The following SLC4A3 variants were observed in gnomAD, a reference collection of about 807,000 sequenced individuals.
SLC4A3 encodes solute carrier family 4 member 3, also known as anion exchange protein 3.
In SLC4A3, 47 loss-of-function variants were observed where a neutral mutation model predicts 114.2. The observed-to-expected ratio is 0.41, with a 90% confidence interval of 0.33 to 0.52. The LOEUF (loss-of-function observed/expected upper bound fraction) is 0.52. SLC4A3 is among the 20% of genes least tolerant of loss of function. The probability of loss-of-function intolerance (pLI) is 0.21; values close to 1 mark genes in which losing one functional copy is unlikely to be tolerated. For synonymous variants in SLC4A3, 693 were observed against 710.3 expected (o/e 0.98, Z 0.39); for missense variants, 1,312 against 1,668.3 (o/e 0.79, Z 3.72).
chr2:219,636,256 A>G lies in SLC4A3; in HGVS notation c.2192-46A>G. Reference sequence around the variant, plus strand: ...GGACAAGCTAGATGAAGAAGGGGGCAGATAGACAGAGCCAGGCTAGGGCCA... The same window carrying G: ...GGACAAGCTAGATGAAGAAGGGGGCGGATAGACAGAGCCAGGCTAGGGCCA... On this transcript the variant is annotated intron_variant, in intron 14 of 22. Coordinates refer to ENST00000358055, the MANE Select transcript of SLC4A3 (RefSeq NM_005070.4). The surrounding 1 kb of genome is among the most constrained non-coding windows in gnomAD (Gnocchi z 5.5). 1 of 1,608,342 alleles carries G rather than the reference A, an allele frequency of 6.2e-7. No individual in the cohort carries two copies. The highest frequency in any genetic ancestry group is 8.5e-7 in the Non-Finnish European group (1 of 1,178,498).
rs775681842 is a variant in SLC4A3, at chr2:219,638,835, C to T, written c.2989C>T (p.Leu997Phe). 1.9e-6 allele frequency: 3 copies of T among 1,613,946 alleles called. No homozygotes were observed. Among genetic ancestry groups the T allele is most frequent in the South Asian group, 1.1e-5 (1 of 91,084 alleles). ...AGCCGCTGTTCCCGCCCTCCTCGTC[C>T]TCATCCTGATCTTCATGGAGACACA... Reference protein sequence around the residue: ...VAAAVPALLVLILIFMETQIT... With the variant: ...VAAAVPALLVFILIFMETQIT... The change falls in exon 19 of 23, where the codon CTC becomes TTC. Residue 997 changes from leucine (L) to phenylalanine (F), a missense_variant. Physicochemically the swap from Leu to Phe is conservative, Grantham distance 22. This residue lies in a region of SLC4A3 where 301 missense variants were observed against 460.7 expected (regional missense o/e 0.65). Coordinates refer to ENST00000358055, the MANE Select transcript of SLC4A3 (RefSeq NM_005070.4). This position sits in a 1 kb window ranked among gnomAD's most constrained non-coding sequence, Gnocchi z 7.5.
At chr2:219,633,488 G>A (rs767255092) in intron 10 of SLC4A3, 31 bp downstream of exon 10, 4 of 1,486,934 alleles carry the variant, frequency 2.7e-6, no homozygotes, top group Admixed American at 4.9e-5. Flanking sequence ...TTGGGCCAGG[G>A]GACTGAGAGG....
At chr2:219,629,758 G>T in intron 5 of SLC4A3, 63 bp downstream of exon 5, 2 of 1,145,186 alleles carry the variant, frequency 1.7e-6, no homozygotes, top group African/African-American at 1.5e-5. Flanking sequence ...AGAGCTCCTG[G>T]CAGTCACCTC....
At position 219,638,206 on chromosome 2, in the gene SLC4A3, C is replaced by T. The variant is rs747437196; in HGVS notation, c.2809C>T (p.Leu937=). The T allele has an allele frequency of 4.3e-6, 7 of 1,612,844 alleles. No homozygotes were observed. The African/African-American group carries it at 5.3e-5, about 12-fold the overall frequency. The change falls in exon 18 of 23, where the codon CTG becomes TTG. Residue 937 remains leucine, a synonymous_variant. Transcript: ENST00000358055. This position sits in a 1 kb window ranked among gnomAD's most constrained non-coding sequence, Gnocchi z 7.5. ...GGACTTTGGCATCCCCATCTCCATC[C>T]TGGTGATGGTCCTGGTGGATTACTC... ...IGDFGIPISI[L]VMVLVDYSIT...
intron 11 of SLC4A3, 26 bp from the exon 12 acceptor site, chr2:219,634,392 AGC>A: frequency 6.2e-7 from 1 of 1,610,874 alleles, no homozygotes; most frequent in Non-Finnish European, 8.5e-7. Flanking sequence ...CTCTTTGCCC[AGC>A]GCCCTGTGCT....
At chr2:219,633,607 G>A in intron 10 of SLC4A3, 150 bp downstream of exon 10, 1 of 818,672 alleles carries the variant, frequency 1.2e-6, no homozygotes, top group Non-Finnish European at 1.8e-6. Context: ...CCCGCATGAG[G>A]GGTCCCTGCC....
At position 219,635,856 on chromosome 2, in the gene SLC4A3, C is replaced by T. The variant is rs1699100829; in HGVS notation, c.2156C>T (p.Ala719Val). 1 of 1,553,498 alleles carries T rather than the reference C, an allele frequency of 6.4e-7. No homozygotes were observed. The change falls in exon 14 of 23, where the codon GCC (alanine) becomes GTC (valine). Residue 719 changes from alanine (A) to valine (V), a missense_variant. This residue lies in a region of SLC4A3 where 771 missense variants were observed against 977.7 expected (regional missense o/e 0.79). Coordinates refer to ENST00000358055, the MANE Select transcript of SLC4A3 (RefSeq NM_005070.4). ...VAAVLFIYFA[A>V]LSPAITFGGL... ...GCTGTGCTCTTCATCTACTTCGCAG[C>T]CCTCAGCCCTGCCATCACCTTCGGG... is the stretch of plus-strand genomic sequence containing the variant.
At position 219,635,890 on chromosome 2, in the gene SLC4A3, G is replaced by C. The variant is rs747433617; in HGVS notation, c.2190G>C (p.Leu730=). 6.6e-7 allele frequency: 1 copy of C among 1,507,724 alleles called. No homozygotes were observed. The highest frequency in any genetic ancestry group is 2.3e-5 in the East Asian group (1 of 43,414). 93.4% of individuals were successfully genotyped at this position (1,507,724 alleles called of 1,614,324 possible). Residue 730 remains leucine, a splice_region_variant and synonymous_variant, in exon 14 of 23, where the codon CTG becomes CTC. Coordinates refer to ENST00000358055, the MANE Select transcript of SLC4A3 (RefSeq NM_005070.4). ...CTGCCATCACCTTCGGGGGGCTGCT[G>C]GGTAAGGGACTGGGGCTTGGGGAGT... ...LSPAITFGGL[L]GEKTEGLMGV...
At chr2:219,632,705 C>T (rs1444743622) in intron 8 of SLC4A3, among the ~76,000 whole-genome samples, 169 bp from the exon 9 acceptor site, 1 of 152,224 alleles carries the variant, frequency 6.6e-6, no homozygotes, top group Non-Finnish European at 1.5e-5. Flanking sequence ...ATTTTCACGG[C>T]CCCTCTCTGA....
In SLC4A3 at chr2:219,636,722, TG is replaced by T; in HGVS notation, c.2386del (p.Val796LeufsTer111). 6.2e-7 allele frequency: 1 copy of T among 1,614,028 alleles called. No homozygotes were observed. The highest frequency in any genetic ancestry group is 8.5e-7 in the Non-Finnish European group (1 of 1,179,962). Reference protein sequence around the residue: ...QDLEYLTGRVWVGLWLVVFVL... With the variant: ...QDLEYLTGRVXVGLWLVVFVL... ...CCTGGAGTACCTCACTGGCCGGGTG[TG>T]GGTTGGTCTCTGGCTGGTGGTCTTC... On this transcript the variant is annotated frameshift_variant, in exon 16 of 23. Coordinates refer to ENST00000358055, the MANE Select transcript of SLC4A3 (RefSeq NM_005070.4). LOFTEE classifies it high-confidence loss of function. This position sits in a 1 kb window ranked among gnomAD's most constrained non-coding sequence, Gnocchi z 5.5.
chr2:219,628,409 G>T lies in SLC4A3; in HGVS notation c.56G>T (p.Arg19Leu). The T allele has an allele frequency of 6.2e-7, 1 of 1,610,280 alleles. No individual in the cohort carries two copies. Among genetic ancestry groups the T allele is most frequent in the Non-Finnish European group, 8.5e-7 (1 of 1,178,706 alleles). Residue 19 changes from arginine to leucine, a missense_variant, in exon 3 of 23, where the codon CGG (arginine) becomes CTG (leucine). Physicochemically the swap from Arg to Leu is moderately radical, Grantham distance 102 (BLOSUM62 -2). Transcript: ENST00000358055. This position sits in a 1 kb window ranked among gnomAD's most constrained non-coding sequence, Gnocchi z 4.8. ...AGAGGCCGTCTGGGCCTGCAGGTCC[G>T]GGTGCCCTTGGAGGAGCCCCCTCTA... is the stretch of plus-strand genomic sequence containing the variant. ...PGGASPLPQVRVPLEEPPLSP... is the reference protein window; with the variant it reads ...PGGASPLPQVLVPLEEPPLSP...
rs1161736647 is a variant in SLC4A3 at position 219,629,689 on chromosome 2, C to T, written c.605C>T (p.Ser202Phe). The T allele has an allele frequency of 1.2e-6, 2 of 1,607,838 alleles. No homozygotes were observed. Among genetic ancestry groups the T allele is most frequent in the East Asian group, 2.2e-5 (1 of 44,828 alleles). The change falls in exon 5 of 23, where the codon TCC becomes TTC. Residue 202 changes from serine (S) to phenylalanine (F), a missense_variant. Physicochemically the swap from Ser to Phe is radical, Grantham distance 155 (BLOSUM62 -2). Transcript: ENST00000358055. ...CACACTGACAAGAGCCCCCAGCACTCCAGCAGGTACTGGCTGCAGCCTCTA... is the reference window on the plus strand; with the variant it reads ...CACACTGACAAGAGCCCCCAGCACTTCAGCAGGTACTGGCTGCAGCCTCTA... Reference protein sequence around the residue: ...GPHTDKSPQHSSSSPSPRARA... With the variant: ...GPHTDKSPQHFSSSPSPRARA...
At position 219,628,544 on chromosome 2, in the gene SLC4A3, G is replaced by A. The variant is rs1460553454; in HGVS notation, c.191G>A (p.Arg64His). 1.2e-6 allele frequency: 2 copies of A among 1,613,300 alleles called. No homozygotes were observed. Among genetic ancestry groups the A allele is most frequent in the East Asian group, 2.2e-5 (1 of 44,858 alleles). ...PPAWDPEKPS[R>H]SYSERDFEFH... is the part of the protein sequence containing the mutation. The stretch of plus-strand genomic sequence containing the variant: ...GCCTGGGACCCCGAGAAGCCCAGCC[G>A]CAGCTACAGCGAGCGGGACTTTGAG... The change falls in exon 3 of 23, where the codon CGC becomes CAC. Residue 64 changes from arginine (R) to histidine (H), a missense_variant. Physicochemically the swap from Arg to His is conservative, Grantham distance 29. Transcript: ENST00000358055. The surrounding 1 kb of genome is among the most constrained non-coding windows in gnomAD (Gnocchi z 4.8).
In SLC4A3 at chr2:219,639,850, T is replaced by C. The variant is rs1559206550; in HGVS notation, c.3277+115T>C. ...AATGTGCTGTGTGTTGCCCTCAATC[T>C]GACCCCCAAACCTGCTTCCCAGCAC... is the stretch of plus-strand genomic sequence containing the variant. On this transcript the variant is annotated intron_variant, in intron 20 of 22. Transcript: ENST00000358055. This position sits in a 1 kb window ranked among gnomAD's most constrained non-coding sequence, Gnocchi z 5.9. 4 of 1,386,902 alleles carry C rather than the reference T, an allele frequency of 2.9e-6. No homozygotes were observed. In the Admixed American group the frequency reaches 5.9e-5, roughly 20 times the overall value. 85.9% of individuals were successfully genotyped at this position (1,386,902 alleles called of 1,614,324 possible). A position where few individuals can be genotyped will look rare whatever the true frequency, so the allele number is the denominator to read the frequency against.
At chr2:219,634,736 G>A (rs2106193264) in intron 12 of SLC4A3, 132 bp downstream of exon 12, 1 of 961,422 alleles carries the variant, frequency 1.0e-6, no homozygotes, top group South Asian at 1.7e-5. Flanking sequence ...CCTGGAGGGT[G>A]GTGGGGGGAG....
chr2:219,629,922 G>A, intron 5 of SLC4A3: 1 of 810,336 alleles, frequency 1.2e-6, no homozygotes, highest in Non-Finnish European at 1.9e-6. Context: ...GAGTGAAGAG[G>A]TTAGGAGTTC....
rs1699185161 is a variant in SLC4A3 at position 219,637,892 on chromosome 2, C to T, written c.2766+81C>T. 31 of 1,156,720 alleles carry T rather than the reference C, an allele frequency of 2.7e-5. No homozygotes were observed. The highest frequency in any genetic ancestry group is 3.3e-5 in the Non-Finnish European group (26 of 779,706). The allele number at this position is 1,156,720 out of a possible 1,614,324, so 71.7% of individuals were successfully genotyped here. On this transcript the variant is annotated intron_variant, in intron 17 of 22. Coordinates refer to ENST00000358055, the MANE Select transcript of SLC4A3 (RefSeq NM_005070.4). This position sits in a 1 kb window ranked among gnomAD's most constrained non-coding sequence, Gnocchi z 4.6. ...GCTCCCCAGAGAGGCTGCACCCCTT[C>T]CCCGGTCAGCCCATGGACCAAAACC...
Position 219,631,604 on chromosome 2 carries a change from G to A in SLC4A3, c.812-364G>A, listed in dbSNP as rs776536932. On this transcript the variant is annotated intron_variant, in intron 6 of 22. Transcript: ENST00000358055. The surrounding 1 kb of genome is among the most constrained non-coding windows in gnomAD (Gnocchi z 6.3). Reference sequence around the variant, plus strand: ...TGTTGAGATAGGGTGCACGGAAAATGTTGGGGGCTCAGTGCCTGGGGACTC... The same window carrying A: ...TGTTGAGATAGGGTGCACGGAAAATATTGGGGGCTCAGTGCCTGGGGACTC... The A allele has an allele frequency of 2.6e-6, 2 of 765,346 alleles. No individual in the cohort carries two copies. The highest frequency in any genetic ancestry group is 3.7e-6 in the Non-Finnish European group (2 of 537,408). 47.4% of individuals were successfully genotyped at this position (765,346 alleles called of 1,614,324 possible). A position where few individuals can be genotyped will look rare whatever the true frequency, so the allele number is the denominator to read the frequency against.
In SLC4A3 at chr2:219,639,003, TGAG is replaced by T. The variant is rs1253739632; in HGVS notation, c.3023+137_3023+139del. 1 of 984,318 alleles carries T rather than the reference TGAG, an allele frequency of 1.0e-6. No homozygotes were observed. Among genetic ancestry groups the T allele is most frequent in the African/African-American group, 1.6e-5 (1 of 62,644 alleles). The allele number at this position is 984,318 out of a possible 1,614,324, so 61.0% of individuals were successfully genotyped here. On this transcript the variant is annotated intron_variant, in intron 19 of 22. Coordinates refer to ENST00000358055, the MANE Select transcript of SLC4A3 (RefSeq NM_005070.4). This position sits in a 1 kb window ranked among gnomAD's most constrained non-coding sequence, Gnocchi z 5.9. ...GGTGGTGGGAGCTGGTGGCAATCCT[TGAG>T]GAAGAGAGTGTGTGTGGAGGAGCTG... is the stretch of plus-strand genomic sequence containing the variant.
Sources: gnomAD v4.1 joint callset for allele counts (sites outside exome capture counted in the v4.1 genomes callset) on GRCh38, gnomAD v4.1.1 for gene constraint, gnomAD v4.1.1 regional missense constraint, Gnocchi (gnomAD v3.1) non-coding constraint, MANE v1.5 for transcripts, NCBI Gene and HGNC (gene_info 2026-07-23, HGNC 2026-07-21) for gene names.